The following NR3C1 variants were observed in gnomAD, a reference collection of about 807,000 sequenced individuals.
NR3C1 encodes nuclear receptor subfamily 3 group C member 1, also known as glucocorticoid receptor.
In NR3C1, 14 loss-of-function variants were observed where a neutral mutation model predicts 74.0. That is an observed-to-expected ratio of 0.19 (90% confidence interval 0.12 to 0.30). The LOEUF (loss-of-function observed/expected upper bound fraction) is 0.30, where lower values mean the gene tolerates loss of function less well. Ranked by LOEUF, NR3C1 falls within the 10% of genes least tolerant of loss-of-function variation. The pLI, the probability that NR3C1 is intolerant of heterozygous loss-of-function variation, is 1.00. For missense variants in NR3C1, 695 were observed against 909.8 expected, an observed-to-expected ratio of 0.76 and a Z score of 3.04; for synonymous variants, 308 against 332.5, an observed-to-expected ratio of 0.93 and a Z score of 0.80.
intron 2 of NR3C1, among the ~76,000 whole-genome samples, chr5:143,337,099 A>C: frequency 6.6e-6 from 1 of 152,208 alleles, no homozygotes; most frequent in East Asian, 1.9e-4. Context: ...AATTAGGCTA[A>C]ATCTAAAGGA....
chr5:143,404,389 G>A (rs1425116798), upstream of NR3C1: 2 of 985,404 alleles, frequency 2.0e-6, no homozygotes, highest in African/African-American at 1.7e-5. Context: ...GGGCCCGGGG[G>A]GAGTCGCGTG....
chr5:143,310,649 TG>T (rs1177889430), intron 3 of NR3C1, among the ~76,000 whole-genome samples: 2 of 152,214 alleles, frequency 1.3e-5, no homozygotes, highest in Non-Finnish European at 2.9e-5. Context: ...TGATAGATTA[TG>T]TTTTTTTATT....
chr5:143,417,290 C>T (rs1248763736), intron 1 of NR3C1, among the ~76,000 whole-genome samples: 2 of 152,162 alleles, frequency 1.3e-5, no homozygotes, highest in African/African-American at 4.8e-5. Flanking sequence ...ATTAAATCCA[C>T]AATGCTTATA....
intron 3 of NR3C1, among the ~76,000 whole-genome samples, chr5:143,313,217 AG>A (rs1821351554): frequency 6.6e-6 from 1 of 152,222 alleles, no homozygotes; most frequent in South Asian, 2.1e-4. Context: ...TGGTAGTATT[AG>A]GACATTTTAG....
chr5:143,342,906 G>T (rs1828514628), intron 2 of NR3C1, among the ~76,000 whole-genome samples: 1 of 152,186 alleles, frequency 6.6e-6, no homozygotes, highest in Non-Finnish European at 1.5e-5. Context: ...GAGCTGGAAA[G>T]GTAAGTAGAG....
In NR3C1 at chr5:143,403,656, C is replaced by A; in HGVS notation, c.-459G>T. The A allele has an allele frequency of 2.0e-6, 2 of 985,250 alleles. No individual in the cohort carries two copies. The highest frequency in any genetic ancestry group is 2.4e-6 in the Non-Finnish European group (2 of 829,764). The allele number at this position is 985,250 out of a possible 1,614,324, so 61.0% of individuals were successfully genotyped here. On this transcript the variant is annotated 5_prime_UTR_variant, in exon 1 of 9. Coordinates refer to ENST00000394464, the MANE Select transcript of NR3C1 (RefSeq NM_000176.3). ...GGGCAGCCCGGCCTGGGCGAGCGAG[C>A]GGGACCGAGCGGGGAGCGGGTGGAG...
At chr5:143,283,595 CTTTT>C (rs951713024) in intron 7 of NR3C1, among the ~76,000 whole-genome samples, 13 of 152,246 alleles carry the variant, frequency 8.5e-5, no homozygotes, top group African/African-American at 2.9e-4. Context: ...GCATGCAATA[CTTTT>C]TTTAATGTAG....
At position 143,280,816 on chromosome 5, in the gene NR3C1, GTC is replaced by G. The variant is rs1251951928; in HGVS notation, c.*1071_*1072del. On this transcript the variant is annotated 3_prime_UTR_variant, in exon 9 of 9. Transcript: ENST00000394464. Reference sequence around the variant, plus strand: ...GAGGAATTACTTTGTCTGATTAAAAGTCTCTCAGCTGTGTTACAGCTGGTTAT... The same window carrying G: ...GAGGAATTACTTTGTCTGATTAAAAGTCTCAGCTGTGTTACAGCTGGTTAT... The G allele has an allele frequency of 6.6e-6, 1 of 152,176 alleles. No homozygotes were observed. Among genetic ancestry groups the G allele is most frequent in the Non-Finnish European group, 1.5e-5 (1 of 68,022 alleles). The allele number at this position is 152,176 out of a possible 1,614,324, so 9.4% of individuals were successfully genotyped here.
intron 1 of NR3C1, among the ~76,000 whole-genome samples, chr5:143,426,545 G>T (rs1028558115): frequency 6.6e-6 from 1 of 152,176 alleles, no homozygotes; most frequent in Non-Finnish European, 1.5e-5. Context: ...TAGTCGAAAA[G>T]TTAAAGTTTA....
At chr5:143,416,257 A>C (rs753318749) in intron 1 of NR3C1, among the ~76,000 whole-genome samples, 10 of 152,132 alleles carry the variant, frequency 6.6e-5, no homozygotes, top group Non-Finnish European at 1.2e-4. Context: ...TGGTGGTATT[A>C]ACCCATCTGT....
Position 143,300,422 on chromosome 5 carries a change from A to T in NR3C1, c.1747+63T>A. The T allele has an allele frequency of 1.9e-6, 3 of 1,601,308 alleles. No individual in the cohort carries two copies. The highest frequency in any genetic ancestry group is 2.6e-6 in the Non-Finnish European group (3 of 1,169,026). On this transcript the variant is annotated intron_variant, in intron 5 of 8. Transcript: ENST00000394464. The surrounding 1 kb of genome is among the most constrained non-coding windows in gnomAD (Gnocchi z 5.2). ...GGGCTCACGATGATATAAAAGCCAA[A>T]GTGTTTTTGCTGAAGAAAACACAAA... is the stretch of plus-strand genomic sequence containing the variant.
chr5:143,426,727 G>A (rs539188318), intron 1 of NR3C1, among the ~76,000 whole-genome samples: 1 of 152,220 alleles, frequency 6.6e-6, no homozygotes, highest in East Asian at 1.9e-4. Context: ...ACAAAAATTA[G>A]TGGGTCAAAT....
intron 2 of NR3C1, among the ~76,000 whole-genome samples, chr5:143,351,062 C>T (rs1221617817): frequency 6.6e-6 from 1 of 152,204 alleles, no homozygotes; most frequent in Non-Finnish European, 1.5e-5. Flanking sequence ...ATTTCCTTCC[C>T]TACTGCTACC....
intron 1 of NR3C1, chr5:143,402,729 C>A: frequency 1.0e-6 from 1 of 985,384 alleles, no homozygotes; most frequent in Non-Finnish European, 1.2e-6. Context: ...CCTCCTCAAG[C>A]CAGGCGCCGC....
chr5:143,419,876 G>A (rs1017123955), intron 1 of NR3C1, among the ~76,000 whole-genome samples: 7 of 152,072 alleles, frequency 4.6e-5, no homozygotes, highest in African/African-American at 7.2e-5. Context: ...GCCTGGGAGC[G>A]CTATGGGAGA....
chr5:143,282,508 T>A, intron 8 of NR3C1, 60 bp downstream of exon 8: 1 of 1,597,414 alleles, frequency 6.3e-7, no homozygotes, highest in Admixed American at 1.7e-5. Flanking sequence ...TTATATTCAC[T>A]AATCAAAACA....
At chr5:143,403,908 C>A, upstream of NR3C1, 1 of 983,112 alleles carries the variant, frequency 1.0e-6, no homozygotes, top group Non-Finnish European at 1.2e-6. Context: ...GTGGCCGCCC[C>A]GCCCGGTGCG....
In NR3C1 at chr5:143,398,512, G is replaced by T. The variant is rs61751160; in HGVS notation, c.1184+1144C>A. ...GTTAGGATAGCTTTCACAGAAAAAG[G>T]ATTTTCAAAAATCTGAATAACTAGT... On this transcript the variant is annotated intron_variant, in intron 2 of 8. Coordinates refer to ENST00000394464, the MANE Select transcript of NR3C1 (RefSeq NM_000176.3). Among the ~76,000 whole-genome samples, 815 of 151,866 alleles carry T rather than the reference G, an allele frequency of 5.4e-3. 5 individuals carry two copies. Among genetic ancestry groups the T allele is most frequent in the East Asian group, 0.022 (115 of 5,178 alleles).
At chr5:143,356,679 T>C (rs772636072) in intron 2 of NR3C1, among the ~76,000 whole-genome samples, 10 of 113,832 alleles carry the variant, frequency 8.8e-5, no homozygotes, top group Non-Finnish European at 1.6e-4. Context: ...TCTCACAATT[T>C]GTATTTCTCA....
Sources: allele counts gnomAD v4.1 joint callset (sites outside exome capture counted in the v4.1 genomes callset), GRCh38; gene constraint gnomAD v4.1.1; non-coding constraint Gnocchi (gnomAD v3.1); transcripts MANE v1.5; gene names NCBI Gene and HGNC (gene_info 2026-07-23, HGNC 2026-07-21).